Variants in RECK observed in about 807,000 individuals in gnomAD.
RECK encodes the protein reversion inducing cysteine rich protein with kazal motifs, also known as reversion-inducing cysteine-rich protein with Kazal motifs.
A neutral mutation model predicts 115.1 loss-of-function variants in RECK; 69 were observed. That is an observed-to-expected ratio of 0.60 (90% CI 0.49 to 0.73). The LOEUF is 0.73. Ranked by LOEUF, RECK falls within the 30% of genes least tolerant of loss-of-function variation. The pLI is 0.00. For missense variants in RECK, 1,047 were observed against 1,203.7 expected, an observed-to-expected ratio of 0.87 and a Z score of 1.93; for synonymous variants, 414 against 419.7, an observed-to-expected ratio of 0.99 and a Z score of 0.17.
chr9:36,110,116 A>G (rs1823983836), intron 15 of RECK, 37 bp downstream of exon 15: 4 of 1,568,544 alleles, frequency 2.6e-6, no homozygotes, highest in Non-Finnish European at 2.6e-6. Flanking sequence ...CTCAGGGGCC[A>G]TCATTTCTTT....
chr9:36,058,887 T>C lies in RECK; in HGVS notation c.220T>C (p.Cys74Arg), dbSNP rs1335931348. ...TCTGTTGCAGCGAGCCCCAGATTAT[T>C]GCCCAGAGACAATGGTAAGTCTTAT... is the stretch of plus-strand genomic sequence containing the variant. ...KHLLQRAPDY[C>R]PETMVEIWNC... Residue 74 changes from cysteine (C) to arginine (R), a missense_variant, in exon 3 of 21, where the codon TGC (cysteine) becomes CGC (arginine). Physicochemically the swap from Cys to Arg is radical, Grantham distance 180. Transcript: ENST00000377966. 6.3e-7 allele frequency: 1 copy of C among 1,583,106 alleles called. No individual in the cohort carries two copies. The highest frequency in any genetic ancestry group is 1.4e-5 in the African/African-American group (1 of 73,998).
chr9:36,109,945 T>C lies in RECK; in HGVS notation c.1766-12T>C, dbSNP rs542872505. ...ATGATATAGATCAACATTTTCTTTCTGTTTCTGTCAGGTCATGGAACATCC... is the reference window on the plus strand; with the variant it reads ...ATGATATAGATCAACATTTTCTTTCCGTTTCTGTCAGGTCATGGAACATCC... On this transcript the variant is annotated splice_polypyrimidine_tract_variant and intron_variant, in intron 14 of 20. Transcript: ENST00000377966. The C allele has an allele frequency of 2.5e-6, 4 of 1,599,812 alleles. No individual in the cohort carries two copies. The African/African-American group carries it at 4.0e-5, about 16-fold the overall frequency.
At chr9:36,075,854 T>G (rs1822426949) in intron 6 of RECK, among the ~76,000 whole-genome samples, 1 of 152,204 alleles carries the variant, frequency 6.6e-6, no homozygotes, top group African/African-American at 2.4e-5. Flanking sequence ...TGTGCTCTTT[T>G]GGGTCTTTGT....
chr9:36,066,661 T>C (rs1052844553), intron 6 of RECK: 19 of 414,148 alleles, frequency 4.6e-5, no homozygotes, highest in Non-Finnish European at 7.4e-5. Context: ...TTTTCTTATC[T>C]CTCTATCTTT....
chr9:36,099,537 G>T (rs981282340), intron 10 of RECK, among the ~76,000 whole-genome samples: 1 of 151,518 alleles, frequency 6.6e-6, no homozygotes, highest in Non-Finnish European at 1.5e-5. Context: ...TTCAACATGG[G>T]GTATTCCTTT....
chr9:36,087,363 C>T (rs983827209), intron 8 of RECK, among the ~76,000 whole-genome samples: 1 of 152,078 alleles, frequency 6.6e-6, no homozygotes, highest in African/African-American at 2.4e-5. Flanking sequence ...AAGCTGGAAA[C>T]CATCATTCTC....
chr9:36,082,152 T>TTCTCTCTCTCTCTCTCTCTC lies in RECK; in HGVS notation c.440-1196_440-1177dup, dbSNP rs71508008. ...AATTATCAAGAATTTCCTCCCTGCTTTCTCTCTCTCTCTCTCTCTCTCTCT... is the reference window on the plus strand; with the variant it reads ...AATTATCAAGAATTTCCTCCCTGCTTTCTCTCTCTCTCTCTCTCTCTCTCTCTCTCTCTCTCTCTCTCTCT... On this transcript the variant is annotated intron_variant, in intron 7 of 20. Coordinates refer to ENST00000377966, the MANE Select transcript of RECK (RefSeq NM_021111.3). Among the ~76,000 whole-genome samples, 514 of 113,666 alleles carry TTCTCTCTCTCTCTCTCTCTC rather than the reference T, an allele frequency of 4.5e-3. 21 individuals are homozygous for TTCTCTCTCTCTCTCTCTCTC. Among genetic ancestry groups the TTCTCTCTCTCTCTCTCTCTC allele is most frequent in the East Asian group, 9.7e-3 (29 of 2,980 alleles). 74.6% of individuals were successfully genotyped at this position (113,666 alleles called of 152,430 possible). A position where few individuals can be genotyped will look rare whatever the true frequency, so the allele number is the denominator to read the frequency against.
chr9:36,112,595 T>C, intron 16 of RECK, 119 bp downstream of exon 16: 1 of 1,097,832 alleles, frequency 9.1e-7, no homozygotes, highest in South Asian at 1.5e-5. Context: ...CCCTGAAGAG[T>C]TTGGAGTCTG....
chr9:36,100,659 G>A (rs568842917), intron 11 of RECK, 116 bp downstream of exon 11: 46 of 721,768 alleles, frequency 6.4e-5, no homozygotes, highest in South Asian at 1.3e-4. Context: ...TATCACCCCC[G>A]TATGTCAAAT....
intron 6 of RECK, among the ~76,000 whole-genome samples, chr9:36,066,082 T>C (rs544974919): frequency 1.6e-4 from 25 of 152,108 alleles, no homozygotes; most frequent in Non-Finnish European, 3.5e-4. Flanking sequence ...ATCTTGCATT[T>C]GGGGGAAAAA....
intron 2 of RECK, chr9:36,057,091 T>C: frequency 1.2e-6 from 1 of 867,360 alleles, no homozygotes; most frequent in Non-Finnish European, 1.4e-6. Context: ...CATAACGTCC[T>C]ATTTGGAAGT....
intron 6 of RECK, among the ~76,000 whole-genome samples, chr9:36,079,268 TAGAG>T (rs1286507194): frequency 1.3e-5 from 2 of 152,148 alleles, no homozygotes; most frequent in African/African-American, 4.8e-5. Context: ...TCCATTTAAA[TAGAG>T]AGTTATCTAT....
At chr9:36,063,440 G>A (rs1245294068) in intron 4 of RECK, among the ~76,000 whole-genome samples, 1 of 152,132 alleles carries the variant, frequency 6.6e-6, no homozygotes, top group Admixed American at 6.5e-5. Context: ...CTTTGCCTCT[G>A]ATTAACAGTC....
At chr9:36,068,681 T>C (rs933098509) in intron 6 of RECK, among the ~76,000 whole-genome samples, 1 of 152,150 alleles carries the variant, frequency 6.6e-6, no homozygotes, top group Non-Finnish European at 1.5e-5. Context: ...TGGGTTCTGA[T>C]TGAAGGTGGA....
At chr9:36,079,016 CT>C (rs1239140058) in intron 6 of RECK, among the ~76,000 whole-genome samples, 1 of 152,100 alleles carries the variant, frequency 6.6e-6, no homozygotes, top group Non-Finnish European at 1.5e-5. Flanking sequence ...TTGCCTCAGC[CT>C]CCTGAGTAGC....
At chr9:36,110,178 C>A in intron 15 of RECK, 99 bp downstream of exon 15, 1 of 1,290,950 alleles carries the variant, frequency 7.7e-7, no homozygotes, top group Non-Finnish European at 1.1e-6. Context: ...TGCAAATGTA[C>A]ACAATAAAAT....
chr9:36,091,396 T>G, intron 10 of RECK, 53 bp downstream of exon 10: 1 of 1,220,470 alleles, frequency 8.2e-7, no homozygotes, highest in East Asian at 2.7e-5. Flanking sequence ...TAATTATAAA[T>G]AAGTGAAATA....
intron 1 of RECK, among the ~76,000 whole-genome samples, chr9:36,045,498 C>A (rs1363845093): frequency 1.3e-5 from 2 of 151,858 alleles, no homozygotes; most frequent in Non-Finnish European, 2.9e-5. Flanking sequence ...CACGTGCACA[C>A]ACACACATCT....
chr9:36,120,934 C>T (rs1304030786), intron 19 of RECK, among the ~76,000 whole-genome samples, 198 bp downstream of exon 19: 3 of 152,224 alleles, frequency 2.0e-5, no homozygotes, highest in Non-Finnish European at 4.4e-5. Flanking sequence ...GCCCATGTTC[C>T]TCCCCCCTAC....
Sources: allele counts gnomAD v4.1 joint callset (sites outside exome capture counted in the v4.1 genomes callset), GRCh38; gene constraint gnomAD v4.1.1; transcripts MANE v1.5; gene names NCBI Gene and HGNC (gene_info 2026-07-23, HGNC 2026-07-21).